COL11A1: variants seen among roughly 807,000 people sequenced by gnomAD.
COL11A1 encodes collagen type XI alpha 1 chain.
A neutral mutation model predicts 265.2 loss-of-function variants in COL11A1; 74 were observed. The observed-to-expected ratio is 0.28, with a 90% CI of 0.23 to 0.34. The LOEUF is 0.34. Ranked by LOEUF, COL11A1 falls within the 10% of genes least tolerant of loss-of-function variation. The pLI, the probability that COL11A1 is intolerant of heterozygous loss-of-function variation, is 1.00. For missense variants in COL11A1, 2,165 were observed against 2,263.6 expected, an observed-to-expected ratio of 0.96 and a Z score of 0.88; for synonymous variants, 816 against 727.6, an observed-to-expected ratio of 1.12 and a Z score of -1.96.
intron 14 of COL11A1, among the ~76,000 whole-genome samples, chr1:103,010,825 C>T (rs556172412): frequency 6.6e-6 from 1 of 151,882 alleles, no homozygotes; most frequent in Non-Finnish European, 1.5e-5. Context: ...CTCAGCCTCC[C>T]GAGTAGCTGG....
At chr1:103,025,834 T>A (rs1667465602) in intron 6 of COL11A1, 1 of 1,613,668 alleles carries the variant, frequency 6.2e-7, no homozygotes, top group Non-Finnish European at 8.5e-7. Flanking sequence ...TGATGCTTGA[T>A]AACTTTTCTT....
Position 102,887,425 on chromosome 1 carries a change from C to CTTT in COL11A1, c.4609-372_4609-370dup, listed in dbSNP as rs574058925. On this transcript the variant is annotated intron_variant, in intron 62 of 66. Transcript: ENST00000370096. ...AAAGTCTCTGAGGATTAGAACAGCA[C>CTTT]TTTAAAGCTATTGCGCTATCTAATC... Among the ~76,000 whole-genome samples, 1,296 of 152,208 alleles carry CTTT rather than the reference C, an allele frequency of 8.5e-3. 22 individuals are homozygous for CTTT. Among genetic ancestry groups the CTTT allele is most frequent in the African/African-American group, 0.03 (1,229 of 41,546 alleles).
intron 1 of COL11A1, among the ~76,000 whole-genome samples, chr1:103,085,661 T>C (rs978792691): frequency 2.0e-5 from 3 of 152,182 alleles, no homozygotes; most frequent in Non-Finnish European, 4.4e-5. Flanking sequence ...GAGTAGACCA[T>C]ATGCTGGCCA....
intron 37 of COL11A1, 93 bp downstream of exon 37, chr1:102,970,126 A>T: frequency 1.1e-6 from 1 of 903,296 alleles, no homozygotes; most frequent in Non-Finnish European, 1.8e-6. Flanking sequence ...TCAACCTAGT[A>T]ATTGAAATGT....
chr1:102,895,542 T>C (rs1358865011), intron 57 of COL11A1, among the ~76,000 whole-genome samples: 22 of 151,964 alleles, frequency 1.4e-4, no homozygotes, highest in Admixed American at 1.4e-3. Context: ...TAGATTTGGA[T>C]ATGGATGTGA....
At chr1:103,002,372 G>T in intron 23 of COL11A1, 56 bp downstream of exon 23, 9 of 1,395,818 alleles carry the variant, frequency 6.4e-6, no homozygotes, top group South Asian at 1.2e-5. Flanking sequence ...TTTTCTTATA[G>T]AAAGATAGCA....
chr1:102,972,600 C>T (rs925237008), intron 36 of COL11A1, among the ~76,000 whole-genome samples: 1 of 151,936 alleles, frequency 6.6e-6, no homozygotes, highest in African/African-American at 2.4e-5. Flanking sequence ...GACTAATTAC[C>T]AAATAATTTC....
intron 39 of COL11A1, 60 bp downstream of exon 39, chr1:102,962,593 G>C: frequency 7.3e-7 from 1 of 1,378,386 alleles, no homozygotes; most frequent in South Asian, 1.2e-5. Flanking sequence ...CAAGGGGTGA[G>C]TATAGTTAAA....
chr1:102,992,197 G>T (rs1664208661), intron 28 of COL11A1, among the ~76,000 whole-genome samples: 1 of 151,864 alleles, frequency 6.6e-6, no homozygotes, highest in African/African-American at 2.4e-5. Flanking sequence ...GATTTAATTA[G>T]GTATTTCCTT....
At chr1:102,911,331 A>G (rs552685446) in intron 54 of COL11A1, among the ~76,000 whole-genome samples, 1 of 152,322 alleles carries the variant, frequency 6.6e-6, no homozygotes, top group South Asian at 2.1e-4. Flanking sequence ...GTTTAATGTG[A>G]GGATATTCAG....
At chr1:102,988,372 A>G (rs1320154321) in intron 29 of COL11A1, among the ~76,000 whole-genome samples, 2 of 152,184 alleles carry the variant, frequency 1.3e-5, no homozygotes, top group Non-Finnish European at 2.9e-5. Flanking sequence ...TGTGGAGGCT[A>G]ATTTGAGTAA....
chr1:102,989,307 G>A (rs1663887859), intron 29 of COL11A1, among the ~76,000 whole-genome samples: 1 of 151,560 alleles, frequency 6.6e-6, no homozygotes, highest in African/African-American at 2.4e-5. Flanking sequence ...GGAACCTATG[G>A]AAATATAACA....
chr1:102,995,953 T>C (rs1664582721), intron 27 of COL11A1, 36 bp downstream of exon 27: 2 of 1,612,806 alleles, frequency 1.2e-6, no homozygotes, highest in Admixed American at 1.7e-5. Context: ...ACATTTCACT[T>C]TGAAAGTAAA....
At chr1:103,057,381 C>T (rs1369455152) in intron 4 of COL11A1, among the ~76,000 whole-genome samples, 3 of 152,108 alleles carry the variant, frequency 2.0e-5, no homozygotes, top group South Asian at 2.1e-4. Context: ...CTATTTCTGC[C>T]GCATCGGCAT....
At chr1:103,042,375 T>C (rs1243960127) in intron 4 of COL11A1, among the ~76,000 whole-genome samples, 1 of 152,146 alleles carries the variant, frequency 6.6e-6, no homozygotes, top group Non-Finnish European at 1.5e-5. Flanking sequence ...ATCTAGAATT[T>C]CCTGGCATAA....
At chr1:102,901,044 G>C (rs967443536) in intron 54 of COL11A1, among the ~76,000 whole-genome samples, 1 of 152,080 alleles carries the variant, frequency 6.6e-6, no homozygotes, top group Non-Finnish European at 1.5e-5. Context: ...AGGCAGCCAG[G>C]CACAGCAGTT....
chr1:103,008,914 C>T (rs942058156), intron 14 of COL11A1, among the ~76,000 whole-genome samples: 1 of 152,154 alleles, frequency 6.6e-6, no homozygotes, highest in African/African-American at 2.4e-5. Flanking sequence ...TCCATTTATA[C>T]TGTAAGGACT....
At chr1:102,924,033 C>G (rs987521456) in intron 46 of COL11A1, among the ~76,000 whole-genome samples, 2 of 148,626 alleles carry the variant, frequency 1.3e-5, no homozygotes, top group African/African-American at 2.5e-5. Context: ...ACCGGTGAAA[C>G]CCCGTCTCAA....
rs186666137 is a variant in COL11A1, at chr1:103,078,259, G to A, written c.488+399C>T. Among the ~76,000 whole-genome samples the A allele has an allele frequency of 1.9e-3, 294 of 152,158 alleles. 1 individual carries two copies. Among genetic ancestry groups the A allele is most frequent in the African/African-American group, 7.0e-3 (289 of 41,522 alleles). ...AAACTGGCCACACCCTGGAATCAGA[G>A]ACTGTATTGGCTTCCTGCTTCTCCT... On this transcript the variant is annotated intron_variant, in intron 3 of 66. Transcript: ENST00000370096.
Sources: allele counts gnomAD v4.1 joint callset (sites outside exome capture counted in the v4.1 genomes callset), GRCh38; gene constraint gnomAD v4.1.1; transcripts MANE v1.5; gene names NCBI Gene and HGNC (gene_info 2026-07-23, HGNC 2026-07-21).